The following BRCA2 variants were observed in gnomAD, a reference collection of about 807,000 sequenced individuals.
BRCA2 encodes the protein BRCA2 DNA repair associated.
BRCA2 carries 203 observed loss-of-function variants against 276.7 expected under a neutral mutation model. That is an observed-to-expected ratio of 0.73 (90% confidence interval 0.65 to 0.82). BRCA2 has a LOEUF of 0.82. Among genes scored for constraint, BRCA2 ranks in the 40% least tolerant of loss-of-function variants. The pLI is 0.00. For missense variants in BRCA2, 3,920 were observed against 3,915.0 expected (o/e 1.00, Z -0.03); for synonymous variants, 1,289 against 1,338.4 (o/e 0.96, Z 0.81).
rs751092504 is a variant in BRCA2, at chr13:32,338,157, T to A, written c.3802T>A (p.Ser1268Thr). 7 of 1,594,772 alleles carry A rather than the reference T, an allele frequency of 4.4e-6. No individual in the cohort carries two copies. The South Asian group carries it at 8.0e-5, about 18-fold the overall frequency. Reference sequence around the variant, plus strand: ...TTTATCTTCAAGTAAATGTCATGATTCTGTTGTTTCAATGTTTAAGATAGA... The same window carrying A: ...TTTATCTTCAAGTAAATGTCATGATACTGTTGTTTCAATGTTTAAGATAGA... ...ISLSSSKCHD[S>T]VVSMFKIENH... The change falls in exon 11 of 27, where the codon TCT becomes ACT. Residue 1268 changes from serine to threonine, a missense_variant. Transcript: ENST00000380152.
chr13:32,374,742 C>T (rs2072859176), intron 20 of BRCA2, among the ~76,000 whole-genome samples: 1 of 152,186 alleles, frequency 6.6e-6, no homozygotes, highest in Admixed American at 6.6e-5. Flanking sequence ...TAGGGAGTTC[C>T]AGACTTTCCC....
At chr13:32,324,954 C>A (rs1046663578) in intron 3 of BRCA2, 122 bp from the exon 4 acceptor site, 2 of 708,278 alleles carry the variant, frequency 2.8e-6, no homozygotes, top group Admixed American at 2.2e-5. Flanking sequence ...CCTCTTCTTA[C>A]AACTCCCTAT....
chr13:32,379,416 A>T lies in BRCA2; in HGVS notation c.8854A>T (p.Met2952Leu), dbSNP rs397508016. 6.2e-7 allele frequency: 1 copy of T among 1,613,804 alleles called. No individual in the cohort carries two copies. Among genetic ancestry groups the T allele is most frequent in the African/African-American group, 1.3e-5 (1 of 74,934 alleles). Reference protein sequence around the residue: ...AQIQLEIRKAMESAEQKEQGL... With the variant: ...AQIQLEIRKALESAEQKEQGL... ...GATCCAGTTGGAAATTAGGAAGGCC[A>T]TGGAATCTGCTGAACAAAAGGAACA... The change falls in exon 22 of 27, where the codon ATG becomes TTG. Residue 2952 changes from methionine (M) to leucine (L), a missense_variant. Physicochemically the swap from Met to Leu is conservative, Grantham distance 15. Coordinates refer to ENST00000380152, the MANE Select transcript of BRCA2 (RefSeq NM_000059.4).
intron 24 of BRCA2, chr13:32,384,677 T>A (rs1429830806): frequency 6.9e-5 from 16 of 230,312 alleles, no homozygotes; most frequent in Non-Finnish European, 9.7e-6. Flanking sequence ...AAAATGCTGA[T>A]GATCATCAGG....
intron 7 of BRCA2, among the ~76,000 whole-genome samples, chr13:32,327,604 A>C (rs1438741259): frequency 6.6e-6 from 1 of 150,794 alleles, no homozygotes; most frequent in Admixed American, 6.6e-5. Context: ...CGGGAGGCGG[A>C]TCTTGTAGTG....
In BRCA2 at chr13:32,341,196, G is replaced by C. The variant is rs1390926046; in HGVS notation, c.6841G>C (p.Gly2281Arg). ...AAGAGGAGAGCCCCTTATCTTAGTG[G>C]GTAAGTGTTCATTTTTACCTTTCGT... ...KRRGEPLILV[G>R]EPSIKRNLLN... Residue 2281 changes from glycine to arginine, a missense_variant and splice_region_variant, in exon 11 of 27, where the codon GGA (glycine) becomes CGA (arginine). Gly to Arg is a moderately radical substitution (Grantham distance 125). Around this residue, in one of 2 missense-constraint regions of BRCA2, gnomAD observed 3,263 missense variants for 3,156.9 expected, o/e 1.03. Coordinates refer to ENST00000380152, the MANE Select transcript of BRCA2 (RefSeq NM_000059.4). 1 of 1,613,744 alleles carries C rather than the reference G, an allele frequency of 6.2e-7. No homozygotes were observed. Among genetic ancestry groups the C allele is most frequent in the Non-Finnish European group, 8.5e-7 (1 of 1,179,876 alleles).
At chr13:32,342,849 C>T (rs2072581948) in intron 11 of BRCA2, among the ~76,000 whole-genome samples, 1 of 152,076 alleles carries the variant, frequency 6.6e-6, no homozygotes, top group Non-Finnish European at 1.5e-5. Flanking sequence ...AGTTTGAGAC[C>T]AGCCTGGCCA....
intron 16 of BRCA2, among the ~76,000 whole-genome samples, chr13:32,361,116 C>T (rs753235566): frequency 1.3e-5 from 2 of 152,138 alleles, no homozygotes; most frequent in Non-Finnish European, 2.9e-5. Flanking sequence ...ATTCACAAGT[C>T]ATCGGCATAT....
intron 20 of BRCA2, among the ~76,000 whole-genome samples, chr13:32,374,569 G>A (rs910253787): frequency 2.0e-5 from 3 of 152,150 alleles, no homozygotes; most frequent in East Asian, 1.9e-4. Flanking sequence ...GATCTCTAGC[G>A]CAGGGGCAAA....
intron 11 of BRCA2, among the ~76,000 whole-genome samples, chr13:32,341,823 C>G (rs1388428233): frequency 2.7e-5 from 4 of 150,296 alleles, no homozygotes; most frequent in Admixed American, 2.0e-4. Flanking sequence ...AGCCGAGATC[C>G]CGCCACTGCA....
At chr13:32,357,964 A>G in intron 16 of BRCA2, 35 bp downstream of exon 16, 1 of 1,596,812 alleles carries the variant, frequency 6.3e-7, no homozygotes, top group South Asian at 1.1e-5. Flanking sequence ...GTTAACTTTT[A>G]TGTATTCCCT....
chr13:32,375,701 C>T (rs532759601), intron 20 of BRCA2, among the ~76,000 whole-genome samples: 3 of 152,076 alleles, frequency 2.0e-5, no homozygotes, highest in Non-Finnish European at 4.4e-5. Flanking sequence ...GCTAGGATTA[C>T]AGGCATGTGC....
At chr13:32,331,082 A>AT (rs751977993) in intron 9 of BRCA2, 52 bp downstream of exon 9, 62,556 of 974,590 alleles carry the variant, frequency 0.064, 3 homozygotes, top group East Asian at 0.073. Context: ...TGTTGTTTTG[A>AT]TTTTTTTTTT....
chr13:32,339,565 ATACT>A lies in BRCA2; in HGVS notation c.5213_5216del (p.Thr1738IlefsTer2), dbSNP rs80359493. The A allele has an allele frequency of 6.2e-6, 10 of 1,608,574 alleles. No individual in the cohort carries two copies. The highest frequency in any genetic ancestry group is 7.7e-6 in the Non-Finnish European group (9 of 1,176,406). ...AAAAATCATCTCTCCGAAAAACAAGATACTTATTTAAGTAACAGTAGCATGTCTA... is the reference window on the plus strand; with the variant it reads ...AAAAATCATCTCTCCGAAAAACAAGATATTTAAGTAACAGTAGCATGTCTA... On this transcript the variant is annotated frameshift_variant, in exon 11 of 27. Transcript: ENST00000380152. LOFTEE classifies it high-confidence loss of function.
At position 32,332,665 on chromosome 13, in the gene BRCA2, C is replaced by T. The variant is rs2137468510; in HGVS notation, c.1187C>T (p.Ser396Phe). The change falls in exon 10 of 27, where the codon TCT becomes TTT. Residue 396 changes from serine to phenylalanine, a missense_variant. Physicochemically the swap from Ser to Phe is radical, Grantham distance 155 (BLOSUM62 -2). Transcript: ENST00000380152. ...EVVPSLACEW[S>F]QLTLSGLNGA... The stretch of plus-strand genomic sequence containing the variant: ...GTACCGTCTTTGGCCTGTGAATGGT[C>T]TCAACTAACCCTTTCAGGTCTAAAT... 2 of 1,614,026 alleles carry T rather than the reference C, an allele frequency of 1.2e-6. No individual in the cohort carries two copies. Among genetic ancestry groups the T allele is most frequent in the Non-Finnish European group, 8.5e-7 (1 of 1,179,974 alleles).
intron 18 of BRCA2, among the ~76,000 whole-genome samples, chr13:32,365,654 G>A (rs879847343): frequency 5.3e-5 from 8 of 151,270 alleles, no homozygotes; most frequent in African/African-American, 1.5e-4. Flanking sequence ...TTGGGATTAC[G>A]GGCATGAGCC....
chr13:32,355,800 A>C (rs1473429681), intron 14 of BRCA2, among the ~76,000 whole-genome samples: 2 of 151,902 alleles, frequency 1.3e-5, no homozygotes, highest in African/African-American at 4.8e-5. Flanking sequence ...GAATCGTTTG[A>C]ACCCGGGAGG....
intron 18 of BRCA2, among the ~76,000 whole-genome samples, chr13:32,365,911 G>C (rs1179901018): frequency 2.0e-5 from 3 of 150,890 alleles, no homozygotes; most frequent in African/African-American, 7.3e-5. Flanking sequence ...TGGACACTAG[G>C]CCTCCTATAT....
Position 32,363,475 on chromosome 13 carries a change from T to C in BRCA2, c.8273T>C (p.Leu2758Pro). The C allele has an allele frequency of 6.2e-7, 1 of 1,614,126 alleles. No individual in the cohort carries two copies. Among genetic ancestry groups the C allele is most frequent in the South Asian group, 1.1e-5 (1 of 91,064 alleles). ...AAGATTATTCTTCATGGAGCAGAAC[T>C]GGTGGGCTCTCCTGATGCCTGTACA... The part of the protein sequence containing the change: ...GQKIILHGAE[L>P]VGSPDACTPL... Residue 2758 changes from leucine (L) to proline (P), a missense_variant, in exon 18 of 27, where the codon CTG (leucine) becomes CCG (proline). Transcript: ENST00000380152.
Sources: gnomAD v4.1 joint callset for allele counts (sites outside exome capture counted in the v4.1 genomes callset) on GRCh38, gnomAD v4.1.1 for gene constraint, gnomAD v4.1.1 regional missense constraint, MANE v1.5 for transcripts, NCBI Gene and HGNC (gene_info 2026-07-23, HGNC 2026-07-21) for gene names.